The following CNTN4 variants were observed in gnomAD, a reference collection of about 807,000 sequenced individuals.
CNTN4 encodes the protein contactin 4, also known as contactin-4.
CNTN4 carries 77 observed loss-of-function variants against 122.5 expected under a neutral mutation model. That is an observed-to-expected ratio of 0.63 (90% CI 0.52 to 0.76). The LOEUF (loss-of-function observed/expected upper bound fraction) is 0.76. CNTN4 is among the 30% of genes least tolerant of loss of function. The pLI is 0.00. For synonymous variants in CNTN4, 512 were observed against 447.0 expected (o/e 1.15, Z -1.83); for missense variants, 1,256 against 1,259.1 (o/e 1.00, Z 0.04).
chr3:2,351,562 C>T lies in CNTN4; in HGVS notation c.-89+12329C>T, dbSNP rs572441801. Reference sequence around the variant, plus strand: ...AATATGTATGATCTCACTTATCCCCCTTTATCTGAGGTAGATACATTCCCC... The same window carrying T: ...AATATGTATGATCTCACTTATCCCCTTTTATCTGAGGTAGATACATTCCCC... On this transcript the variant is annotated intron_variant, in intron 3 of 24. Coordinates refer to ENST00000418658, the MANE Select transcript of CNTN4 (RefSeq NM_175607.3). Among the ~76,000 whole-genome samples the T allele has an allele frequency of 2.6e-5, 4 of 152,324 alleles. No homozygotes were observed. In the South Asian group the frequency reaches 8.3e-4, roughly 32 times the overall value.
At position 2,772,978 on chromosome 3, in the gene CNTN4, C is replaced by G. The variant is rs73807927; in HGVS notation, c.358+27281C>G. Among the ~76,000 whole-genome samples, 328 of 152,194 alleles carry G rather than the reference C, an allele frequency of 2.2e-3. 1 individual carries two copies. The highest frequency in any genetic ancestry group is 7.6e-3 in the African/African-American group (317 of 41,526). Reference sequence around the variant, plus strand: ...AAGCAGTTGAAAATGTCCAGTACAACAGAGAAATCAGATAAGATAAGGATT... The same window carrying G: ...AAGCAGTTGAAAATGTCCAGTACAAGAGAGAAATCAGATAAGATAAGGATT... On this transcript the variant is annotated intron_variant, in intron 6 of 24. Transcript: ENST00000418658.
chr3:2,824,642 T>C (rs924437619), intron 7 of CNTN4, among the ~76,000 whole-genome samples: 7 of 152,126 alleles, frequency 4.6e-5, no homozygotes, highest in Non-Finnish European at 8.8e-5. Context: ...TTATGTGAAA[T>C]TTTTATTTAA....
chr3:2,481,010 T>A (rs1559592560), intron 3 of CNTN4, among the ~76,000 whole-genome samples: 1 of 151,138 alleles, frequency 6.6e-6, no homozygotes, highest in Non-Finnish European at 1.5e-5. Context: ...TTTTTAATTC[T>A]TTCTTTCTTT....
Position 3,031,096 on chromosome 3 carries a change from T to C in CNTN4, c.1783+121T>C. On this transcript the variant is annotated intron_variant, in intron 16 of 24. Coordinates refer to ENST00000418658, the MANE Select transcript of CNTN4 (RefSeq NM_175607.3). The stretch of plus-strand genomic sequence containing the variant: ...GAAAAAGTCAGGCAGAAGCTGAACA[T>C]TGTAAACAGTGGCTAACAGTCCACA... The C allele has an allele frequency of 6.3e-6, 8 of 1,275,284 alleles. No homozygotes were observed. The South Asian group carries it at 8.4e-5, about 13-fold the overall frequency. 79.0% of individuals were successfully genotyped at this position (1,275,284 alleles called of 1,614,324 possible). A position where few individuals can be genotyped will look rare whatever the true frequency, so the allele number is the denominator to read the frequency against.
chr3:2,297,792 C>A (rs113275656), intron 2 of CNTN4, among the ~76,000 whole-genome samples: 13,922 of 152,172 alleles, frequency 0.091, 731 homozygotes, highest in Non-Finnish European at 0.12. Flanking sequence ...TGCAGTGGCA[C>A]AATCACAGCT....
At chr3:2,715,175 C>A (rs112345830) in intron 4 of CNTN4, among the ~76,000 whole-genome samples, 2 of 152,034 alleles carry the variant, frequency 1.3e-5, no homozygotes, top group East Asian at 3.9e-4. Context: ...CTTTATGTAC[C>A]CAGTAGAAAA....
intron 4 of CNTN4, among the ~76,000 whole-genome samples, chr3:2,627,699 T>G (rs564814801): frequency 6.6e-6 from 1 of 151,990 alleles, no homozygotes. Flanking sequence ...TTCACCGTGT[T>G]AGCCAGGATG....
intron 4 of CNTN4, among the ~76,000 whole-genome samples, chr3:2,669,323 G>A (rs927999726): frequency 1.6e-4 from 24 of 152,206 alleles, no homozygotes; most frequent in African/African-American, 4.6e-4. Flanking sequence ...GTCTTGGGAG[G>A]GTGTATGTGT....
chr3:2,399,402 TTTG>T (rs1374524850), intron 3 of CNTN4, among the ~76,000 whole-genome samples: 3 of 152,068 alleles, frequency 2.0e-5, no homozygotes, highest in Non-Finnish European at 4.4e-5. Flanking sequence ...TGTTTTTGTT[TTTG>T]TTGTTGTTTG....
chr3:2,127,597 A>T (rs1271345440), intron 2 of CNTN4, among the ~76,000 whole-genome samples: 1 of 152,166 alleles, frequency 6.6e-6, no homozygotes, highest in African/African-American at 2.4e-5. Context: ...AGATAATTTG[A>T]GTATCTTCAC....
chr3:2,747,580 G>A (rs1228893866), intron 6 of CNTN4, among the ~76,000 whole-genome samples: 1 of 151,336 alleles, frequency 6.6e-6, no homozygotes, highest in African/African-American at 2.4e-5. Flanking sequence ...TTCAAGGACA[G>A]TCATTTACAT....
At chr3:2,542,733 C>G (rs2078083603) in intron 3 of CNTN4, among the ~76,000 whole-genome samples, 2 of 152,046 alleles carry the variant, frequency 1.3e-5, no homozygotes, top group South Asian at 4.1e-4. Context: ...AATGAACTGG[C>G]AAAATTGCCA....
At chr3:2,605,971 G>A (rs899862266) in intron 4 of CNTN4, among the ~76,000 whole-genome samples, 2 of 152,198 alleles carry the variant, frequency 1.3e-5, no homozygotes, top group African/African-American at 2.4e-5. Flanking sequence ...GGACAGGCAA[G>A]GCCTTGGGGA....
At chr3:2,226,953 G>T (rs555151307) in intron 2 of CNTN4, among the ~76,000 whole-genome samples, 1 of 152,178 alleles carries the variant, frequency 6.6e-6, no homozygotes, top group South Asian at 2.1e-4. Context: ...TGAAGAAATT[G>T]AGGCACAGAG....
At chr3:2,505,424 T>C (rs754981067) in intron 3 of CNTN4, among the ~76,000 whole-genome samples, 2 of 152,198 alleles carry the variant, frequency 1.3e-5, no homozygotes, top group Admixed American at 6.5e-5. Flanking sequence ...GATGATCAAG[T>C]TCAAATGGAA....
intron 6 of CNTN4, among the ~76,000 whole-genome samples, chr3:2,749,083 C>G (rs1250860267): frequency 2.0e-5 from 3 of 152,300 alleles, no homozygotes; most frequent in African/African-American, 7.2e-5. Context: ...CAATTTCCAT[C>G]ATTTCTCCTC....
At chr3:2,586,398 T>A (rs1022077791) in intron 4 of CNTN4, among the ~76,000 whole-genome samples, 2 of 152,224 alleles carry the variant, frequency 1.3e-5, no homozygotes, top group Non-Finnish European at 2.9e-5. Context: ...GTTCAAGCGA[T>A]TCTCCTGCCT....
rs148020613 is a variant in CNTN4 at position 2,389,254 on chromosome 3, A to G, written c.-89+50021A>G. On this transcript the variant is annotated intron_variant, in intron 3 of 24. Coordinates refer to ENST00000418658, the MANE Select transcript of CNTN4 (RefSeq NM_175607.3). Reference sequence around the variant, plus strand: ...AAGAATACCCTTTTCACCGTGATCTATCTTCACGTGGCTGCAGCCTTCTCA... The same window carrying G: ...AAGAATACCCTTTTCACCGTGATCTGTCTTCACGTGGCTGCAGCCTTCTCA... Among the ~76,000 whole-genome samples, 26 of 115,084 alleles carry G rather than the reference A, an allele frequency of 2.3e-4. 1 individual carries two copies. The highest frequency in any genetic ancestry group is 6.6e-4 in the East Asian group (3 of 4,522). The allele number at this position is 115,084 out of a possible 152,430, so 75.5% of individuals were successfully genotyped here.
At chr3:2,746,350 T>G (rs1456282808) in intron 6 of CNTN4, among the ~76,000 whole-genome samples, 1 of 152,088 alleles carries the variant, frequency 6.6e-6, no homozygotes, top group Admixed American at 6.6e-5. Context: ...CTTAAAATGT[T>G]TAAAAAAACA....
Sources: allele counts gnomAD v4.1 joint callset (sites outside exome capture counted in the v4.1 genomes callset), GRCh38; gene constraint gnomAD v4.1.1; transcripts MANE v1.5; gene names NCBI Gene and HGNC (gene_info 2026-07-23, HGNC 2026-07-21).